SCRN3: variants seen among roughly 807,000 people sequenced by gnomAD.
SCRN3 encodes the protein secernin 3.
A neutral mutation model predicts 43.1 loss-of-function variants in SCRN3; 39 were observed. The ratio of observed to expected loss-of-function variants is 0.91; its 90% CI spans 0.70 to 1.18. The LOEUF (loss-of-function observed/expected upper bound fraction) is 1.18. SCRN3 is among the 50% of genes most tolerant of loss of function. The pLI, the probability that SCRN3 is intolerant of heterozygous loss-of-function variation, is 0.00. For missense variants in SCRN3, 484 were observed against 498.0 expected, an observed-to-expected ratio of 0.97 and a Z score of 0.27; for synonymous variants, 147 against 163.1, an observed-to-expected ratio of 0.90 and a Z score of 0.75.
At chr2:174,397,074 A>G in intron 1 of SCRN3, 1 of 983,130 alleles carries the variant, frequency 1.0e-6, no homozygotes, top group African/African-American at 1.7e-5. Context: ...GATCCAGGAC[A>G]TAAGAGTTGA....
intron 5 of SCRN3, among the ~76,000 whole-genome samples, chr2:174,406,294 G>A (rs71417484): frequency 1.6e-5 from 2 of 126,158 alleles, no homozygotes; most frequent in African/African-American, 5.2e-5. Context: ...CTTGTGATTT[G>A]TGCACATTGA....
intron 2 of SCRN3, among the ~76,000 whole-genome samples, chr2:174,399,413 G>T (rs943142791): frequency 6.6e-6 from 1 of 152,060 alleles, no homozygotes; most frequent in Non-Finnish European, 1.5e-5. Flanking sequence ...TCTTGTATTC[G>T]AAGGCTACCA....
chr2:174,410,990 G>A (rs1318283618), intron 5 of SCRN3, among the ~76,000 whole-genome samples: 1 of 152,098 alleles, frequency 6.6e-6, no homozygotes, highest in Non-Finnish European at 1.5e-5. Context: ...GAATGTAGGT[G>A]TACAGGTGAA....
At chr2:174,403,590 T>C (rs1040446537) in intron 4 of SCRN3, among the ~76,000 whole-genome samples, 1 of 152,206 alleles carries the variant, frequency 6.6e-6, no homozygotes, top group African/African-American at 2.4e-5. Flanking sequence ...CGAATTGTGC[T>C]CAGTAAAACC....
chr2:174,396,456 C>G (rs1251817894), intron 1 of SCRN3, among the ~76,000 whole-genome samples: 1 of 152,150 alleles, frequency 6.6e-6, no homozygotes, highest in Non-Finnish European at 1.5e-5. Flanking sequence ...GTGGCTGCTA[C>G]TGCAGCAGGT....
Position 174,423,022 on chromosome 2 carries a change from T to G in SCRN3, c.892T>G (p.Phe298Val), listed in dbSNP as rs1257357285. ...QDSSLPCIHF[F>V]TGTPDPERSV... Reference sequence around the variant, plus strand: ...CTCCAGCCTTCCTTGCATTCACTTCTTTACAGGGACTCCTGATCCTGAGAG... The same window carrying G: ...CTCCAGCCTTCCTTGCATTCACTTCGTTACAGGGACTCCTGATCCTGAGAG... Residue 298 changes from phenylalanine to valine, a missense_variant, in exon 6 of 8, where the codon TTT (phenylalanine) becomes GTT (valine). Phe to Val is a conservative substitution (Grantham distance 50, BLOSUM62 -1). Transcript: ENST00000272732. 22 of 1,613,322 alleles carry G rather than the reference T, an allele frequency of 1.4e-5. No homozygotes were observed. Among genetic ancestry groups the G allele is most frequent in the Non-Finnish European group, 1.7e-5 (20 of 1,179,484 alleles).
chr2:174,425,279 G>A (rs1453809803), intron 7 of SCRN3, among the ~76,000 whole-genome samples: 2 of 152,066 alleles, frequency 1.3e-5, no homozygotes, highest in East Asian at 3.9e-4. Flanking sequence ...TTCTGGTATA[G>A]ATAGATAGGT....
rs909938952 is a variant in SCRN3, at chr2:174,428,063, T to C, written c.*168T>C. 2 of 418,528 alleles carry C rather than the reference T, an allele frequency of 4.8e-6. No homozygotes were observed. Among genetic ancestry groups the C allele is most frequent in the African/African-American group, 2.0e-5 (1 of 49,104 alleles). 25.9% of individuals were successfully genotyped at this position (418,528 alleles called of 1,614,324 possible). A position where few individuals can be genotyped will look rare whatever the true frequency, so the allele number is the denominator to read the frequency against. Reference sequence around the variant, plus strand: ...ACTATTAAACTACGTATAGTGTTGCTGAAATAGAAAGAAAACAGCATTGGA... The same window carrying C: ...ACTATTAAACTACGTATAGTGTTGCCGAAATAGAAAGAAAACAGCATTGGA... On this transcript the variant is annotated 3_prime_UTR_variant, in exon 8 of 8. Transcript: ENST00000272732.
intron 3 of SCRN3, among the ~76,000 whole-genome samples, chr2:174,400,576 G>A (rs1685474672): frequency 6.6e-6 from 1 of 152,162 alleles, no homozygotes; most frequent in Admixed American, 6.5e-5. Flanking sequence ...GGGATTACCA[G>A]CACAGGCACC....
At chr2:174,406,890 T>C (rs1685714643) in intron 5 of SCRN3, among the ~76,000 whole-genome samples, 1 of 129,344 alleles carries the variant, frequency 7.7e-6, no homozygotes, top group Non-Finnish European at 1.8e-5. Context: ...TTTGCATCAA[T>C]GTTCATCAAG....
At position 174,401,190 on chromosome 2, in the gene SCRN3, G is replaced by A; in HGVS notation, c.541+1G>A. The stretch of plus-strand genomic sequence containing the variant: ...TACTGGGCAGCAGAAAAAGTACAAG[G>A]TATGGACAACTTTTTGTGATTTAAC... On this transcript the variant is annotated splice_donor_variant, in intron 4 of 7. Coordinates refer to ENST00000272732, the MANE Select transcript of SCRN3 (RefSeq NM_024583.5). LOFTEE classifies it high-confidence loss of function. 6.2e-7 allele frequency: 1 copy of A among 1,612,392 alleles called. No homozygotes were observed. The highest frequency in any genetic ancestry group is 2.2e-5 in the East Asian group (1 of 44,846).
Position 174,424,487 on chromosome 2 carries a change from G to A in SCRN3, c.930G>A (p.Lys310=), listed in dbSNP as rs199860076. 1.3e-4 allele frequency: 215 copies of A among 1,601,488 alleles called. No individual in the cohort carries two copies. The highest frequency in any genetic ancestry group is 1.7e-4 in the Non-Finnish European group (198 of 1,172,468). Residue 310 remains lysine, a synonymous_variant, in exon 7 of 8, where the codon AAG becomes AAA. Coordinates refer to ENST00000272732, the MANE Select transcript of SCRN3 (RefSeq NM_024583.5). ...GTPDPERSVF[K]PFIFVPHISQ... is the part of the protein sequence containing the mutation. ...CTCTTTTTTCTAGATCTGTTTTTAA[G>A]CCTTTCATATTTGTGCCACATATTT...
chr2:174,415,342 A>G (rs747017979), intron 5 of SCRN3, among the ~76,000 whole-genome samples: 10 of 152,368 alleles, frequency 6.6e-5, no homozygotes, highest in Middle Eastern at 3.4e-3. Context: ...AATAAGAAAA[A>G]AAATGGCATG....
intron 7 of SCRN3, 34 bp downstream of exon 7, chr2:174,424,683 A>C (rs749804585): frequency 1.4e-5 from 21 of 1,528,890 alleles, no homozygotes; most frequent in Middle Eastern, 2.1e-4. Context: ...TATATCATTA[A>C]GTGTAAAGTT....
chr2:174,397,140 G>A, intron 1 of SCRN3: 1 of 980,642 alleles, frequency 1.0e-6, no homozygotes. Flanking sequence ...CGTCACTGAG[G>A]AGAAGAGGAA....
chr2:174,427,476 T>C (rs761091097), intron 7 of SCRN3, among the ~76,000 whole-genome samples: 2 of 152,184 alleles, frequency 1.3e-5, no homozygotes, highest in Non-Finnish European at 2.9e-5. Context: ...ACTACTCTTA[T>C]AATTGTTTTT....
intron 6 of SCRN3, 146 bp from the exon 7 acceptor site, chr2:174,424,329 A>G: frequency 1.7e-6 from 1 of 592,204 alleles, no homozygotes; most frequent in Admixed American, 3.2e-5. Context: ...GAAGACAGGC[A>G]TGGGTATAAC....
At chr2:174,423,332 C>T (rs768806658) in intron 6 of SCRN3, among the ~76,000 whole-genome samples, 9 of 152,238 alleles carry the variant, frequency 5.9e-5, no homozygotes, top group Admixed American at 2.6e-4. Context: ...TTTTCTTACT[C>T]ACATTTCAGA....
At chr2:174,421,823 A>C (rs528065841) in intron 5 of SCRN3, among the ~76,000 whole-genome samples, 1 of 152,342 alleles carries the variant, frequency 6.6e-6, no homozygotes, top group Admixed American at 6.5e-5. Context: ...AAAGTGCATT[A>C]GAATAGCACA....
Sources: gnomAD v4.1 joint callset for allele counts (sites outside exome capture counted in the v4.1 genomes callset) on GRCh38, gnomAD v4.1.1 for gene constraint, MANE v1.5 for transcripts, NCBI Gene and HGNC (gene_info 2026-07-23, HGNC 2026-07-21) for gene names.